The following CABIN1 variants were observed in gnomAD, a reference collection of about 807,000 sequenced individuals.
The protein encoded by CABIN1 is calcineurin-binding protein cabin-1.
In CABIN1, 133 loss-of-function variants were observed where a neutral mutation model predicts 227.7. That is an observed-to-expected ratio of 0.58 (90% CI 0.51 to 0.67). CABIN1 has a LOEUF of 0.67. CABIN1 is among the 30% of genes least tolerant of loss of function. CABIN1 has a pLI of 0.00. For synonymous variants in CABIN1, 1,086 were observed against 1,155.1 expected (o/e 0.94, Z 1.21); for missense variants, 2,408 against 2,852.5 (o/e 0.84, Z 3.55).
At chr22:24,070,227 G>A (rs1003015522) in intron 16 of CABIN1, among the ~76,000 whole-genome samples, 4 of 152,220 alleles carry the variant, frequency 2.6e-5, no homozygotes, top group African/African-American at 4.8e-5. Flanking sequence ...CCACAGTGCC[G>A]CTGAGGGGAT....
At chr22:24,176,412 G>C in intron 35 of CABIN1, 137 bp downstream of exon 35, 1 of 1,020,642 alleles carries the variant, frequency 9.8e-7, no homozygotes, top group Non-Finnish European at 1.5e-6. Context: ...GGAGGAAATG[G>C]GGGTAGTGCA....
intron 18 of CABIN1, among the ~76,000 whole-genome samples, chr22:24,074,759 T>C (rs943931080): frequency 6.6e-6 from 1 of 152,172 alleles, no homozygotes; most frequent in South Asian, 2.1e-4. Flanking sequence ...GCTTTTGAGC[T>C]GACAAACAGA....
chr22:24,099,243 G>C (rs988767630), intron 26 of CABIN1, among the ~76,000 whole-genome samples: 1 of 152,160 alleles, frequency 6.6e-6, no homozygotes, highest in Non-Finnish European at 1.5e-5. Context: ...GAACTAAGTG[G>C]GTAGGGCTTG....
intron 1 of CABIN1, among the ~76,000 whole-genome samples, chr22:24,012,271 G>T (rs958568947): frequency 2.0e-5 from 3 of 152,110 alleles, no homozygotes; most frequent in African/African-American, 7.2e-5. Flanking sequence ...TAATTATAGG[G>T]ACCGAAGTTT....
At chr22:24,157,781 A>G (rs1401001018) in intron 29 of CABIN1, among the ~76,000 whole-genome samples, 1 of 152,146 alleles carries the variant, frequency 6.6e-6, no homozygotes, top group East Asian at 1.9e-4. Flanking sequence ...GCCAGATTCC[A>G]TCCCCTTCCT....
chr22:24,022,829 G>T (rs967822077), intron 1 of CABIN1, among the ~76,000 whole-genome samples: 1 of 152,184 alleles, frequency 6.6e-6, no homozygotes, highest in Non-Finnish European at 1.5e-5. Context: ...GATGAATGAG[G>T]TTGAGCATCT....
chr22:24,156,878 C>T (rs2045861247), intron 29 of CABIN1, among the ~76,000 whole-genome samples: 1 of 152,170 alleles, frequency 6.6e-6, no homozygotes, highest in African/African-American at 2.4e-5. Flanking sequence ...AGGAACAGCC[C>T]GGCAGTTCTG....
chr22:24,061,225 G>C (rs1418332655), intron 12 of CABIN1, among the ~76,000 whole-genome samples: 2 of 152,192 alleles, frequency 1.3e-5, no homozygotes, highest in African/African-American at 2.4e-5. Flanking sequence ...TCCTCCACTT[G>C]GTGCCTCCTG....
At chr22:24,122,476 G>A (rs925152965) in intron 28 of CABIN1, among the ~76,000 whole-genome samples, 1 of 152,078 alleles carries the variant, frequency 6.6e-6, no homozygotes, top group African/African-American at 2.4e-5. Context: ...GGGAGGCTGA[G>A]GCGGGTGAAT....
chr22:24,068,186 G>T (rs557501270), intron 16 of CABIN1, among the ~76,000 whole-genome samples: 1 of 152,220 alleles, frequency 6.6e-6, no homozygotes, highest in African/African-American at 2.4e-5. Context: ...GAAAGAGTTG[G>T]TTTGGGGAAG....
intron 29 of CABIN1, among the ~76,000 whole-genome samples, chr22:24,149,402 G>T (rs778357997): frequency 6.6e-6 from 1 of 152,198 alleles, no homozygotes; most frequent in Non-Finnish European, 1.5e-5. Flanking sequence ...CCCAGGGCCT[G>T]CCCGGCACAC....
chr22:24,065,558 C>T (rs1170475033), intron 15 of CABIN1, among the ~76,000 whole-genome samples: 105 of 149,038 alleles, frequency 7.0e-4, no homozygotes, highest in African/African-American at 2.5e-3. Context: ...ACATCCCAGA[C>T]GATGGCGGCC....
At position 24,083,367 on chromosome 22, in the gene CABIN1, T is replaced by C. The variant is rs762522629; in HGVS notation, c.2888T>C (p.Leu963Pro). 3.7e-6 allele frequency: 6 copies of C among 1,613,846 alleles called. No individual in the cohort carries two copies. Among genetic ancestry groups the C allele is most frequent in the Admixed American group, 1.7e-5 (1 of 60,004 alleles). ...AGCAAGAAGAGTAAGGCCAGGTACC[T>C]GGAGGAACACTCGGCCCAGCAGGTG... ...FPSKKSKARY[L>P]EEHSAQQVDL... The change falls in exon 20 of 37, where the codon CTG becomes CCG. Residue 963 changes from leucine to proline, a missense_variant. Transcript: ENST00000263119.
At chr22:24,011,958 C>T (rs940053336) in intron 1 of CABIN1, among the ~76,000 whole-genome samples, 1 of 152,186 alleles carries the variant, frequency 6.6e-6, no homozygotes, top group Non-Finnish European at 1.5e-5. Flanking sequence ...TCTTCAGGAC[C>T]TGGGTTATTA....
intron 8 of CABIN1, among the ~76,000 whole-genome samples, chr22:24,051,579 C>CT (rs2038339175): frequency 6.6e-6 from 1 of 152,106 alleles, no homozygotes; most frequent in Non-Finnish European, 1.5e-5. Context: ...GACATTGAAT[C>CT]TTTAAGTTTA....
intron 29 of CABIN1, among the ~76,000 whole-genome samples, chr22:24,135,153 G>A (rs1001229497): frequency 5.3e-5 from 8 of 151,704 alleles, no homozygotes; most frequent in Admixed American, 1.3e-4. Flanking sequence ...CACTTTGGGA[G>A]GCCAAGGCGG....
intron 3 of CABIN1, among the ~76,000 whole-genome samples, chr22:24,036,631 C>G (rs956274802): frequency 3.3e-5 from 5 of 152,180 alleles, no homozygotes; most frequent in Non-Finnish European, 7.4e-5. Flanking sequence ...TTGTTGGTCA[C>G]TCCTCTTTCC....
At chr22:24,150,004 A>G (rs773653173) in intron 29 of CABIN1, among the ~76,000 whole-genome samples, 8 of 152,210 alleles carry the variant, frequency 5.3e-5, no homozygotes, top group Non-Finnish European at 1.0e-4. Context: ...GCCCTGCCTC[A>G]CGGGTGTGGG....
At chr22:24,132,969 T>A (rs1452416581) in intron 28 of CABIN1, among the ~76,000 whole-genome samples, 4 of 152,112 alleles carry the variant, frequency 2.6e-5, no homozygotes, top group Non-Finnish European at 5.9e-5. Flanking sequence ...GACTGGGTAT[T>A]TTACTGTTTT....
Sources: allele counts gnomAD v4.1 joint callset (sites outside exome capture counted in the v4.1 genomes callset), GRCh38; gene constraint gnomAD v4.1.1; transcripts MANE v1.5; gene names NCBI Gene and HGNC (gene_info 2026-07-23, HGNC 2026-07-21).